NEB: variants seen among roughly 807,000 people sequenced by gnomAD.
The protein encoded by NEB is nemaline myopathy type 2.
A neutral mutation model predicts 952.2 loss-of-function variants in NEB; 512 were observed. The observed-to-expected ratio is 0.54, with a 90% CI of 0.50 to 0.58. NEB has a LOEUF of 0.58. NEB is among the 20% of genes least tolerant of loss of function. The pLI is 0.00. For synonymous variants in NEB, 2,900 were observed against 3,149.8 expected, an observed-to-expected ratio of 0.92 and a Z score of 2.66; for missense variants, 8,428 against 9,231.1, an observed-to-expected ratio of 0.91 and a Z score of 3.56.
intron 12 of NEB, 61 bp downstream of exon 12, chr2:151,709,595 A>C: frequency 1.5e-6 from 2 of 1,339,386 alleles, no homozygotes; most frequent in South Asian, 2.6e-5. Context: ...ACAAGAGCCA[A>C]AGTTATAAGA....
In NEB at chr2:151,617,470, TACA is replaced by T; in HGVS notation, c.11077-5_11077-3del. 1.8e-6 allele frequency: 2 copies of T among 1,141,784 alleles called. No homozygotes were observed. Among genetic ancestry groups the T allele is most frequent in the Non-Finnish European group, 2.3e-6 (2 of 881,888 alleles). The allele number at this position is 1,141,784 out of a possible 1,614,324, so 70.7% of individuals were successfully genotyped here. On this transcript the variant is annotated splice_region_variant and splice_polypyrimidine_tract_variant and intron_variant, in intron 74 of 181. Transcript: ENST00000397345. Reference sequence around the variant, plus strand: ...GTCCCAGGCTTCAGTATATAAGCGCTACAAAAAAAAAAAAAAAAGAGAGAGAGA... The same window carrying T: ...GTCCCAGGCTTCAGTATATAAGCGCTAAAAAAAAAAAAAAAGAGAGAGAGA...
Position 151,551,715 on chromosome 2 carries a change from ACT to A in NEB, c.19944+21_19944+22del, listed in dbSNP as rs755692441. On this transcript the variant is annotated intron_variant, in intron 129 of 181. Coordinates refer to ENST00000397345, the MANE Select transcript of NEB (RefSeq NM_001164508.2). ...CTGATGGAACGGATTTCTGCTGGGCACTCTCAAGTTCTCACTGCTCACCGAAC... is the reference window on the plus strand; with the variant it reads ...CTGATGGAACGGATTTCTGCTGGGCACTCAAGTTCTCACTGCTCACCGAAC... 2.1e-5 allele frequency: 33 copies of A among 1,570,338 alleles called. No homozygotes were observed. The South Asian group carries it at 3.6e-4, about 17-fold the overall frequency.
In NEB at chr2:151,527,004, G is replaced by C. The variant is rs376072545; in HGVS notation, c.21859C>G (p.Arg7287Gly). The change falls in exon 148 of 182, where the codon CGG becomes GGG. Residue 7287 changes from arginine (R) to glycine (G), a missense_variant. Physicochemically the swap from Arg to Gly is moderately radical, Grantham distance 125. Transcript: ENST00000397345. Reference protein sequence around the residue: ...QQSDFEYKLDREFLKGCKLSV... With the variant: ...QQSDFEYKLDGEFLKGCKLSV... ...AGCTTGCAACCCTTGAGGAACTCCCGGTCCAGCTTATATTCAAACTGTGAT... is the reference window on the plus strand; with the variant it reads ...AGCTTGCAACCCTTGAGGAACTCCCCGTCCAGCTTATATTCAAACTGTGAT... 3.1e-6 allele frequency: 5 copies of C among 1,597,770 alleles called. No individual in the cohort carries two copies. In the Admixed American group the frequency reaches 6.9e-5, roughly 22 times the overall value.
At chr2:151,686,418 C>T (rs1411790123) in intron 27 of NEB, among the ~76,000 whole-genome samples, 1 of 152,052 alleles carries the variant, frequency 6.6e-6, no homozygotes, top group Non-Finnish European at 1.5e-5. Context: ...GGAATAAAAA[C>T]AAAAGATAAA....
At chr2:151,644,674 G>C in intron 55 of NEB, 99 bp from the exon 56 acceptor site, 1 of 962,834 alleles carries the variant, frequency 1.0e-6, no homozygotes, top group Non-Finnish European at 1.6e-6. Flanking sequence ...CATGAGAATA[G>C]CATCTGTGCC....
intron 139 of NEB, 52 bp downstream of exon 139, chr2:151,538,088 G>A (rs2093477827): frequency 5.3e-6 from 8 of 1,507,982 alleles, no homozygotes; most frequent in South Asian, 2.3e-5. Flanking sequence ...ATATGTATAT[G>A]TATATGGTGA....
rs1229010214 is a variant in NEB, at chr2:151,627,141, T to A, written c.10208A>T (p.Asp3403Val). 1.2e-6 allele frequency: 2 copies of A among 1,613,918 alleles called. No individual in the cohort carries two copies. The highest frequency in any genetic ancestry group is 1.7e-5 in the Admixed American group (1 of 60,014). ...GIGWVPIGSM[D>V]VVKCKRAAEI... is the part of the protein sequence containing the mutation. ...AGCAGCTCTCTTGCACTTGACCACATCCATAGACCCAATGGGGACCCAGCC... is the reference window on the plus strand; with the variant it reads ...AGCAGCTCTCTTGCACTTGACCACAACCATAGACCCAATGGGGACCCAGCC... Residue 3403 changes from aspartate (D) to valine (V), a missense_variant, in exon 70 of 182, where the codon GAT (aspartate) becomes GTT (valine). This residue lies in a region of NEB where 1,772 missense variants were observed against 1,960.3 expected (regional missense o/e 0.90). Coordinates refer to ENST00000397345, the MANE Select transcript of NEB (RefSeq NM_001164508.2).
At chr2:151,616,561 G>A (rs898710123) in intron 75 of NEB, among the ~76,000 whole-genome samples, 1 of 152,130 alleles carries the variant, frequency 6.6e-6, no homozygotes, top group Non-Finnish European at 1.5e-5. Flanking sequence ...GGGCATGGTA[G>A]CATGCACCTG....
chr2:151,486,112 A>G (rs1427525698), intron 181 of NEB, among the ~76,000 whole-genome samples, 179 bp from the exon 182 acceptor site: 2 of 152,222 alleles, frequency 1.3e-5, no homozygotes, highest in Admixed American at 6.5e-5. Context: ...CAAGTCATGT[A>G]TCTGATAGGC....
chr2:151,667,843 T>C lies in NEB; in HGVS notation c.4680A>G (p.Pro1560=). ...KGYDLRPDAI[P]IVAAKSSRNI... ...TCCTTGAACTTTTTGCAGCAACAATTGGGATGGCATCTGGTCTCAAATCAT... is the reference window on the plus strand; with the variant it reads ...TCCTTGAACTTTTTGCAGCAACAATCGGGATGGCATCTGGTCTCAAATCAT... Residue 1560 remains proline (P), a synonymous_variant, in exon 40 of 182, where the codon CCA becomes CCG. Transcript: ENST00000397345. The C allele has an allele frequency of 1.9e-6, 3 of 1,612,784 alleles. No individual in the cohort carries two copies. Among genetic ancestry groups the C allele is most frequent in the Non-Finnish European group, 2.5e-6 (3 of 1,178,994 alleles).
intron 47 of NEB, among the ~76,000 whole-genome samples, chr2:151,658,698 T>C (rs2099112938): frequency 6.6e-6 from 1 of 152,200 alleles, no homozygotes; most frequent in South Asian, 2.1e-4. Context: ...TAACCCCTTC[T>C]TTAGAACCAT....
At chr2:151,559,757 A>T (rs2095900079) in intron 124 of NEB, among the ~76,000 whole-genome samples, 1 of 152,150 alleles carries the variant, frequency 6.6e-6, no homozygotes, top group Non-Finnish European at 1.5e-5. Context: ...ACATGGACAC[A>T]GGGAGGGGAA....
At chr2:151,562,563 C>T in intron 120 of NEB, 48 bp downstream of exon 120, 5 of 1,466,700 alleles carry the variant, frequency 3.4e-6, no homozygotes, top group Non-Finnish European at 4.6e-6. Context: ...AGCCAAGACA[C>T]AGTCATGGAA....
intron 71 of NEB, 119 bp from the exon 72 acceptor site, chr2:151,621,145 T>C: frequency 1.5e-6 from 1 of 659,312 alleles, no homozygotes; most frequent in East Asian, 2.8e-5. Context: ...CAGCCTTAAA[T>C]CAGAAAAAGA....
intron 48 of NEB, 75 bp from the exon 49 acceptor site, chr2:151,656,539 T>C (rs1050586143): frequency 8.6e-6 from 7 of 818,636 alleles, no homozygotes; most frequent in South Asian, 5.1e-5. Flanking sequence ...ATATGCTATA[T>C]TATTTTTGTA....
chr2:151,657,956 C>A, intron 48 of NEB, 27 bp downstream of exon 48: 1 of 1,511,212 alleles, frequency 6.6e-7, no homozygotes, highest in Non-Finnish European at 9.1e-7. Context: ...AAACCCCCAG[C>A]CAGGTGACCG....
chr2:151,508,196 C>A, intron 161 of NEB, 87 bp from the exon 162 acceptor site: 1 of 803,370 alleles, frequency 1.2e-6, no homozygotes. Context: ...TTAGCCCTTC[C>A]AGGCTCAGCA....
In NEB at chr2:151,613,253, T is replaced by C. The variant is rs757651756; in HGVS notation, c.11602-864A>G. Among the ~76,000 whole-genome samples the C allele has an allele frequency of 1.2e-4, 19 of 152,336 alleles. No homozygotes were observed. The South Asian group carries it at 1.7e-3, about 13-fold the overall frequency. On this transcript the variant is annotated intron_variant, in intron 77 of 181. Transcript: ENST00000397345. ...TGCCTAACGTATTTCTAGGGAACAA[T>C]TGTTTTCAAGTTTCTTAGAAAATTT...
At chr2:151,540,900 G>T in intron 136 of NEB, 99 bp from the exon 137 acceptor site, 2 of 982,262 alleles carry the variant, frequency 2.0e-6, no homozygotes, top group Non-Finnish European at 3.2e-6. Flanking sequence ...TGGGAAGGTG[G>T]TATCTGCTTA....
Sources: gnomAD v4.1 joint callset for allele counts (sites outside exome capture counted in the v4.1 genomes callset) on GRCh38, gnomAD v4.1.1 for gene constraint, gnomAD v4.1.1 regional missense constraint, MANE v1.5 for transcripts, NCBI Gene and HGNC (gene_info 2026-07-23, HGNC 2026-07-21) for gene names.